Variants in ENTHD1 observed in about 807,000 individuals in gnomAD.
The protein encoded by ENTHD1 is ENTH domain containing 1.
In ENTHD1, 23 loss-of-function variants were observed where a neutral mutation model predicts 39.1. The ratio of observed to expected loss-of-function variants is 0.59; its 90% CI spans 0.42 to 0.83. ENTHD1 has a LOEUF of 0.83. ENTHD1 is among the 40% of genes least tolerant of loss of function. The pLI is 0.00. For synonymous variants in ENTHD1, 230 were observed against 258.2 expected (o/e 0.89, Z 1.05); for missense variants, 624 against 705.4 (o/e 0.88, Z 1.31).
At chr22:39,787,077 A>G (rs1173443514) in intron 5 of ENTHD1, among the ~76,000 whole-genome samples, 1 of 152,184 alleles carries the variant, frequency 6.6e-6, no homozygotes, top group Non-Finnish European at 1.5e-5. Flanking sequence ...TAATTCTCAC[A>G]TTTCAAACTT....
Position 39,743,858 on chromosome 22 carries a change from T to C in ENTHD1, c.1645A>G (p.Ser549Gly), listed in dbSNP as rs553788189. Residue 549 changes from serine to glycine, a missense_variant, in exon 7 of 7, where the codon AGT (serine) becomes GGT (glycine). Physicochemically the swap from Ser to Gly is moderately conservative, Grantham distance 56. Transcript: ENST00000325157. ...PQEPEAKNSI[S>G]VLLREVKRAI... Reference sequence around the variant, plus strand: ...CGTTTTACCTCCCTTAAAAGAACACTAATGGAATTCTTTGCTTCAGGTTCC... The same window carrying C: ...CGTTTTACCTCCCTTAAAAGAACACCAATGGAATTCTTTGCTTCAGGTTCC... The C allele has an allele frequency of 9.9e-6, 16 of 1,614,144 alleles. No homozygotes were observed. The South Asian group carries it at 1.5e-4, about 16-fold the overall frequency.
intron 4 of ENTHD1, among the ~76,000 whole-genome samples, chr22:39,826,992 C>T (rs1473567852): frequency 1.3e-5 from 2 of 151,276 alleles, no homozygotes; most frequent in Admixed American, 6.6e-5. Context: ...GGACTATAAG[C>T]GCATGCCACC....
In ENTHD1 at chr22:39,786,671, AC is replaced by A. The variant is rs138243133; in HGVS notation, c.833-21063del. ...ATGTTCATCTGAAGTGAAACTTTATACACTTTAACCAACATCTCTCCAATCC... is the reference window on the plus strand; with the variant it reads ...ATGTTCATCTGAAGTGAAACTTTATAACTTTAACCAACATCTCTCCAATCC... On this transcript the variant is annotated intron_variant, in intron 5 of 6. Coordinates refer to ENST00000325157, the MANE Select transcript of ENTHD1 (RefSeq NM_152512.4). Among the ~76,000 whole-genome samples, 564 of 152,140 alleles carry A rather than the reference AC, an allele frequency of 3.7e-3. 6 individuals carry two copies. The highest frequency in any genetic ancestry group is 0.013 in the African/African-American group (543 of 41,548).
intron 3 of ENTHD1, among the ~76,000 whole-genome samples, chr22:39,841,334 C>T (rs181290671): frequency 2.0e-5 from 3 of 152,230 alleles, no homozygotes. Context: ...TGTGGGAGAG[C>T]CATTAGGGAG....
intron 5 of ENTHD1, among the ~76,000 whole-genome samples, chr22:39,776,443 C>T (rs967368954): frequency 1.6e-4 from 24 of 152,270 alleles, no homozygotes; most frequent in African/African-American, 5.5e-4. Context: ...GACTCCTAGA[C>T]AGGAAGCCCA....
Position 39,887,658 on chromosome 22 carries a change from C to T in ENTHD1, c.91G>A (p.Gly31Ser). The change falls in exon 2 of 7, where the codon GGT (glycine) becomes AGT (serine). Residue 31 changes from glycine to serine, a missense_variant. By Grantham distance (56) the Gly-to-Ser change is moderately conservative. Transcript: ENST00000325157. The stretch of plus-strand genomic sequence containing the variant: ...TCTAACATCAGAGAACTAGAGGGAC[C>T]CCAAGGGTCGTTAGAAGTTGCTTCC... ...VREATSNDPW[G>S]PSSSLMLDIS... is the part of the protein sequence containing the mutation. The T allele has an allele frequency of 1.2e-6, 2 of 1,610,710 alleles. No individual in the cohort carries two copies. Among genetic ancestry groups the T allele is most frequent in the Admixed American group, 1.7e-5 (1 of 59,144 alleles).
chr22:39,800,572 C>CT (rs2065590977), intron 5 of ENTHD1, among the ~76,000 whole-genome samples: 1 of 152,202 alleles, frequency 6.6e-6, no homozygotes, highest in African/African-American at 2.4e-5. Context: ...ATGCAAAAGT[C>CT]TGAGGCCCAC....
At chr22:39,813,746 G>A (rs949424774) in intron 5 of ENTHD1, among the ~76,000 whole-genome samples, 2 of 152,084 alleles carry the variant, frequency 1.3e-5, no homozygotes, top group Non-Finnish European at 2.9e-5. Flanking sequence ...ACAGTGTATG[G>A]CTTGAAAATT....
At chr22:39,854,165 A>G (rs1230822876) in intron 3 of ENTHD1, among the ~76,000 whole-genome samples, 1 of 152,194 alleles carries the variant, frequency 6.6e-6, no homozygotes, top group African/African-American at 2.4e-5. Context: ...AACATGGAGA[A>G]AGCCCAGGCA....
intron 6 of ENTHD1, among the ~76,000 whole-genome samples, chr22:39,756,208 C>T (rs1414614766): frequency 6.6e-6 from 1 of 151,958 alleles, no homozygotes; most frequent in African/African-American, 2.4e-5. Context: ...ATAATTTGGC[C>T]TTAATTTATC....
chr22:39,744,515 G>A (rs1191502668), intron 6 of ENTHD1, among the ~76,000 whole-genome samples: 2 of 151,306 alleles, frequency 1.3e-5, no homozygotes, highest in Admixed American at 6.6e-5. Flanking sequence ...AACTAAAATA[G>A]AATTATCAAT....
Position 39,851,181 on chromosome 22 carries a change from G to T in ENTHD1, c.592+10584C>A, listed in dbSNP as rs190717873. The stretch of plus-strand genomic sequence containing the variant: ...TCGTCAGGCTTCTACTGTAGAAGAT[G>T]AGAAGCTTTCTGGTACAGTAATTAA... On this transcript the variant is annotated intron_variant, in intron 3 of 6. Coordinates refer to ENST00000325157, the MANE Select transcript of ENTHD1 (RefSeq NM_152512.4). Among the ~76,000 whole-genome samples the T allele has an allele frequency of 9.2e-5, 14 of 152,280 alleles. No homozygotes were observed. In the East Asian group the frequency reaches 2.3e-3, roughly 25 times the overall value.
At chr22:39,886,719 A>G (rs2066381932) in intron 2 of ENTHD1, among the ~76,000 whole-genome samples, 1 of 152,158 alleles carries the variant, frequency 6.6e-6, no homozygotes, top group Non-Finnish European at 1.5e-5. Flanking sequence ...GTAGAATATC[A>G]GGCACTACTG....
In ENTHD1 at chr22:39,877,239, A is replaced by T. The variant is rs531523308; in HGVS notation, c.349+10161T>A. 2.0e-5 allele frequency among the ~76,000 whole-genome samples: 3 copies of T among 152,298 alleles called. No individual in the cohort carries two copies. The East Asian group carries it at 5.8e-4, about 29-fold the overall frequency. On this transcript the variant is annotated intron_variant, in intron 2 of 6. Transcript: ENST00000325157. ...CCTTCAAATTAGTGAAGGATTTTTAAAGCCTCAAGAGCCACAATAAAGAGC... is the reference window on the plus strand; with the variant it reads ...CCTTCAAATTAGTGAAGGATTTTTATAGCCTCAAGAGCCACAATAAAGAGC...
chr22:39,752,053 TTCTC>T (rs542882500), intron 6 of ENTHD1, among the ~76,000 whole-genome samples: 21 of 149,606 alleles, frequency 1.4e-4, no homozygotes, highest in Admixed American at 2.7e-4. Flanking sequence ...AAAGCTTTAT[TTCTC>T]TCTCTCTCTC....
At chr22:39,877,950 G>A (rs2146758753) in intron 2 of ENTHD1, among the ~76,000 whole-genome samples, 1 of 152,216 alleles carries the variant, frequency 6.6e-6, no homozygotes, top group Admixed American at 6.5e-5. Context: ...AGTTTGAGGA[G>A]ACAGAACAAG....
rs560043556 is a variant in ENTHD1 at position 39,811,396 on chromosome 22, C to G, written c.832+9597G>C. Among the ~76,000 whole-genome samples the G allele has an allele frequency of 1.4e-4, 21 of 152,294 alleles. No individual in the cohort carries two copies. In the South Asian group the frequency reaches 4.1e-3, roughly 30 times the overall value. On this transcript the variant is annotated intron_variant, in intron 5 of 6. Transcript: ENST00000325157. ...GCAGAACCAAGGGTAAGGGAAGTGC[C>G]TGAGGCAGACAGGTGATCAATGGAG...
intron 4 of ENTHD1, among the ~76,000 whole-genome samples, chr22:39,823,025 T>C (rs2065795299): frequency 6.6e-6 from 1 of 152,350 alleles, no homozygotes; most frequent in African/African-American, 2.4e-5. Flanking sequence ...TGCCCTTTCA[T>C]AGACATACAC....
chr22:39,762,125 G>A (rs1026423373), intron 6 of ENTHD1, among the ~76,000 whole-genome samples: 1 of 152,116 alleles, frequency 6.6e-6, no homozygotes, highest in African/African-American at 2.4e-5. Flanking sequence ...GCAAAAGCTG[G>A]TCTCATCTCA....
Sources: gnomAD v4.1 joint callset for allele counts (sites outside exome capture counted in the v4.1 genomes callset) on GRCh38, gnomAD v4.1.1 for gene constraint, MANE v1.5 for transcripts, NCBI Gene and HGNC (gene_info 2026-07-23, HGNC 2026-07-21) for gene names.